The following GPC4 variants were observed in gnomAD, a reference collection of about 807,000 sequenced individuals.
The protein encoded by GPC4 is glypican 4, also known as glypican-4.
GPC4 carries 10 observed loss-of-function variants against 35.0 expected under a neutral mutation model. The observed-to-expected ratio is 0.29, with a 90% CI of 0.18 to 0.48. The LOEUF (loss-of-function observed/expected upper bound fraction) is 0.48. GPC4 is among the 20% of genes least tolerant of loss of function. The pLI, the probability that GPC4 is intolerant of heterozygous loss-of-function variation, is 0.99. For missense variants in GPC4, 322 were observed against 451.3 expected (o/e 0.71, Z 2.60); for synonymous variants, 167 against 170.2 (o/e 0.98, Z 0.15).
At chrX:133,326,033 T>C (rs1294969206) in intron 2 of GPC4, among the ~76,000 whole-genome samples, 4 of 110,360 alleles carry the variant, frequency 3.6e-5, no homozygotes, top group Non-Finnish European at 7.6e-5. Context: ...TTTTTTTTTT[T>C]TCTTTGCTTC....
chrX:133,346,530 G>A, intron 1 of GPC4, among the ~76,000 whole-genome samples: 1 of 111,375 alleles, frequency 9.0e-6, no homozygotes, highest in Non-Finnish European at 1.9e-5. Flanking sequence ...GAGACATGAT[G>A]AGGAAATATA....
intron 2 of GPC4, among the ~76,000 whole-genome samples, chrX:133,329,365 C>G (rs2068408768): frequency 8.9e-6 from 1 of 111,972 alleles, no homozygotes. Context: ...TCTTTAAAGA[C>G]TGGTTTTTAT....
intron 1 of GPC4, among the ~76,000 whole-genome samples, chrX:133,391,123 C>A (rs915492430): frequency 3.6e-5 from 4 of 111,972 alleles, no homozygotes; most frequent in African/African-American, 1.3e-4. Context: ...AGAAACCCAT[C>A]CCGAATCAAA....
intron 1 of GPC4, among the ~76,000 whole-genome samples, chrX:133,369,241 A>G (rs1400748657): frequency 8.9e-6 from 1 of 111,748 alleles, no homozygotes; most frequent in Admixed American, 9.5e-5. Context: ...AAAAACTAGT[A>G]TATCAGTTAC....
intron 1 of GPC4, among the ~76,000 whole-genome samples, chrX:133,343,843 T>A (rs2068477251): frequency 9.0e-6 from 1 of 111,530 alleles, no homozygotes; most frequent in Non-Finnish European, 1.9e-5. Context: ...TTACTCTCAA[T>A]CCTGCTGAGT....
At chrX:133,303,488 C>A in intron 7 of GPC4, 147 bp from the exon 8 acceptor site, 1 of 452,839 alleles carries the variant, frequency 2.2e-6, no homozygotes, top group Non-Finnish European at 3.6e-6. Context: ...TCTAGTATTT[C>A]CACTAAGCAA....
At position 133,302,287 on chromosome X, in the gene GPC4, C is replaced by A. The variant is rs2068270050; in HGVS notation, c.*580G>T. 8.9e-6 allele frequency: 1 copy of A among 112,097 alleles called. No homozygotes were observed. The highest frequency in any genetic ancestry group is 9.6e-5 in the Admixed American group (1 of 10,460). 9.2% of individuals were successfully genotyped at this position (112,097 alleles called of 1,213,427 possible). ...TGGCTCAGAAGCCTGCTTGTGCCCT[C>A]ACATTCTGTCTTAATAATAATTTAA... On this transcript the variant is annotated 3_prime_UTR_variant, in exon 9 of 9. Coordinates refer to ENST00000370828, the MANE Select transcript of GPC4 (RefSeq NM_001448.3).
At chrX:133,338,523 C>G (rs139908422) in intron 2 of GPC4, among the ~76,000 whole-genome samples, 1,700 of 111,739 alleles carry the variant, frequency 0.015, 42 homozygotes, top group African/African-American at 0.052. Flanking sequence ...CTCATATTGG[C>G]TATTTCTTCA....
intron 4 of GPC4, among the ~76,000 whole-genome samples, 198 bp from the exon 5 acceptor site, chrX:133,306,352 G>T (rs1431146611): frequency 9.0e-6 from 1 of 111,262 alleles, no homozygotes; most frequent in African/African-American, 3.3e-5. Flanking sequence ...TGTATCACTA[G>T]CTCTCTAAAG....
chrX:133,302,878 C>G lies in GPC4; in HGVS notation c.1660G>C (p.Glu554Gln), dbSNP rs775620830. 4.1e-6 allele frequency: 5 copies of G among 1,210,334 alleles called. No homozygotes were observed. The East Asian group carries it at 1.5e-4, about 36-fold the overall frequency. The change falls in exon 9 of 9, where the codon GAG becomes CAG. Residue 554 changes from glutamate (E) to glutamine (Q), a missense_variant. By Grantham distance (29) the Glu-to-Gln change is conservative. Around this residue, in one of 3 missense-constraint regions of GPC4, gnomAD observed 99 missense variants for 110.0 expected, o/e 0.90. Coordinates refer to ENST00000370828, the MANE Select transcript of GPC4 (RefSeq NM_001448.3). ...TCAGAGTTTGAGAATTATCTCCACT[C>G]TCTCTGCATAACCAGGAACAAGATG... The part of the protein sequence containing the change: ...FCILFLVMQR[E>Q]WR
At chrX:133,414,518 G>A in intron 1 of GPC4, 1 of 754,598 alleles carries the variant, frequency 1.3e-6, no homozygotes, top group Non-Finnish European at 1.6e-6. Flanking sequence ...GCAGGGGGGA[G>A]AGGAGGAGCG....
At chrX:133,313,488 G>A (rs1275063158) in intron 3 of GPC4, among the ~76,000 whole-genome samples, 1 of 112,288 alleles carries the variant, frequency 8.9e-6, no homozygotes, top group Non-Finnish European at 1.9e-5. Context: ...GCCTTTTCTG[G>A]ATAGCCAGAT....
intron 3 of GPC4, among the ~76,000 whole-genome samples, chrX:133,322,710 T>C (rs972753858): frequency 8.9e-6 from 1 of 112,216 alleles, no homozygotes; most frequent in Non-Finnish European, 1.9e-5. Flanking sequence ...TATTTTCATG[T>C]TTGTAGTGCT....
At chrX:133,384,569 T>C (rs758086380) in intron 1 of GPC4, among the ~76,000 whole-genome samples, 1 of 111,287 alleles carries the variant, frequency 9.0e-6, no homozygotes, top group African/African-American at 3.3e-5. Flanking sequence ...GTGGAGCATT[T>C]CTGTGAAGCA....
chrX:133,371,891 T>C (rs2068613651), intron 1 of GPC4, among the ~76,000 whole-genome samples: 1 of 111,229 alleles, frequency 9.0e-6, no homozygotes. Flanking sequence ...GTGCTGCTCC[T>C]ATCCCAAACA....
Position 133,319,559 on chromosome X carries a change from G to T in GPC4, c.711+4586C>A, listed in dbSNP as rs997226116. 6.5e-5 allele frequency among the ~76,000 whole-genome samples: 7 copies of T among 107,286 alleles called. No individual in the cohort carries two copies. In the Admixed American group the frequency reaches 7.1e-4, roughly 11 times the overall value. 93.2% of individuals were successfully genotyped at this position (107,286 alleles called of 115,157 possible). ...AATTAGGGAACACATCCCTTACTTTGAAAGGTCTTTTTTTCAGGCCCGAAG... is the reference window on the plus strand; with the variant it reads ...AATTAGGGAACACATCCCTTACTTTTAAAGGTCTTTTTTTCAGGCCCGAAG... On this transcript the variant is annotated intron_variant, in intron 3 of 8. Transcript: ENST00000370828.
chrX:133,356,105 C>A (rs2266808), intron 1 of GPC4, among the ~76,000 whole-genome samples: 1 of 110,537 alleles, frequency 9.0e-6, no homozygotes, highest in Non-Finnish European at 1.9e-5. Context: ...TTATTCTGTG[C>A]GATGGCATAG....
At chrX:133,331,519 C>T (rs1012972714) in intron 2 of GPC4, among the ~76,000 whole-genome samples, 7 of 111,684 alleles carry the variant, frequency 6.3e-5, no homozygotes, top group African/African-American at 2.3e-4. Flanking sequence ...CGCCTGTCAT[C>T]CCAGCACTTT....
At chrX:133,307,445 A>T (rs2068295608) in intron 4 of GPC4, among the ~76,000 whole-genome samples, 2 of 108,628 alleles carry the variant, frequency 1.8e-5, no homozygotes, top group Non-Finnish European at 3.8e-5. Flanking sequence ...AACCACAAAT[A>T]GATTTCCATG....
Sources: gnomAD v4.1 joint callset for allele counts (sites outside exome capture counted in the v4.1 genomes callset) on GRCh38, gnomAD v4.1.1 for gene constraint, gnomAD v4.1.1 regional missense constraint, MANE v1.5 for transcripts, NCBI Gene and HGNC (gene_info 2026-07-23, HGNC 2026-07-21) for gene names.